The following GNB1L variants were observed in gnomAD, a reference collection of about 807,000 sequenced individuals.
The protein encoded by GNB1L is guanine nucleotide-binding protein subunit beta-like protein 1.
A neutral mutation model predicts 29.1 loss-of-function variants in GNB1L; 20 were observed. The ratio of observed to expected loss-of-function variants is 0.69; its 90% CI spans 0.48 to 1.00. GNB1L has a LOEUF of 1.00. Ranked by LOEUF, GNB1L falls within the 50% of genes least tolerant of loss-of-function variation. The pLI is 0.00. For synonymous variants in GNB1L, 193 were observed against 206.5 expected, an observed-to-expected ratio of 0.93 and a Z score of 0.56; for missense variants, 421 against 464.9, an observed-to-expected ratio of 0.91 and a Z score of 0.87.
Position 19,788,591 on chromosome 22 carries a change from G to T in GNB1L, c.*118C>A. 7.8e-7 allele frequency: 1 copy of T among 1,278,860 alleles called. No homozygotes were observed. Among genetic ancestry groups the T allele is most frequent in the Non-Finnish European group, 1.1e-6 (1 of 874,758 alleles). The allele number at this position is 1,278,860 out of a possible 1,614,324, so 79.2% of individuals were successfully genotyped here. A position where few individuals can be genotyped will look rare whatever the true frequency, so the allele number is the denominator to read the frequency against. On this transcript the variant is annotated 3_prime_UTR_variant, in exon 8 of 8. Transcript: ENST00000329517. ...CTCATGAAGACAGCGGGGACTCCAT[G>T]GTCCTTGGGCCATGACTTGCTGGTC...
intron 2 of GNB1L, chr22:19,846,932 G>A: frequency 8.1e-6 from 8 of 985,404 alleles, no homozygotes; most frequent in Non-Finnish European, 9.6e-6. Context: ...ATGTTGCCCT[G>A]GGATGGATGC....
intron 2 of GNB1L, among the ~76,000 whole-genome samples, chr22:19,825,207 C>A (rs1937610702): frequency 6.6e-6 from 1 of 152,234 alleles, no homozygotes; most frequent in Admixed American, 6.5e-5. Flanking sequence ...GCTCCAGCAT[C>A]CCCCGAGGAA....
chr22:19,844,997 G>A (rs57550365), intron 2 of GNB1L, among the ~76,000 whole-genome samples: 3,867 of 152,304 alleles, frequency 0.025, 151 homozygotes, highest in African/African-American at 0.088. Context: ...CCCTGGCCTC[G>A]GGGATGGGGA....
At chr22:19,851,031 C>G in intron 2 of GNB1L, 12 of 1,443,718 alleles carry the variant, frequency 8.3e-6, no homozygotes, top group African/African-American at 1.4e-5. Flanking sequence ...GAGTCCAAAA[C>G]AAGCGCATCT....
chr22:19,822,387 C>T (rs1280333182), intron 2 of GNB1L, among the ~76,000 whole-genome samples: 1 of 152,188 alleles, frequency 6.6e-6, no homozygotes, highest in Admixed American at 6.5e-5. Context: ...AGAGAGGCTT[C>T]CCGGGTCCGT....
At chr22:19,841,498 G>C (rs1039730907) in intron 2 of GNB1L, among the ~76,000 whole-genome samples, 10 of 152,108 alleles carry the variant, frequency 6.6e-5, no homozygotes, top group Admixed American at 1.3e-4. Flanking sequence ...GGCCAGTTAT[G>C]GTGGTGCCCG....
intron 2 of GNB1L, chr22:19,846,180 ACATGTG>A (rs1230187388): frequency 6.5e-6 from 1 of 153,508 alleles, no homozygotes; most frequent in Non-Finnish European, 1.4e-5. Flanking sequence ...TGCTCATATT[ACATGTG>A]CATCGCGGTC....
chr22:19,833,586 G>A (rs995997054), intron 2 of GNB1L, among the ~76,000 whole-genome samples: 27 of 152,140 alleles, frequency 1.8e-4, no homozygotes, highest in African/African-American at 6.0e-4. Flanking sequence ...AAAATAGGCC[G>A]GACGCGGTAG....
At chr22:19,853,903 C>CA (rs1938172304) in intron 2 of GNB1L, among the ~76,000 whole-genome samples, 3 of 152,192 alleles carry the variant, frequency 2.0e-5, no homozygotes, top group African/African-American at 7.2e-5. Context: ...CCAGGTTGCC[C>CA]ACAATGACCA....
intron 2 of GNB1L, among the ~76,000 whole-genome samples, chr22:19,834,834 G>A (rs1443596661): frequency 6.6e-6 from 1 of 151,960 alleles, no homozygotes; most frequent in African/African-American, 2.4e-5. Flanking sequence ...CAAAATAGTA[G>A]ACCTAAATAT....
In GNB1L at chr22:19,806,648, CG is replaced by C. The variant is rs1569042327; in HGVS notation, c.516+10del. 1 of 1,580,762 alleles carries C rather than the reference CG, an allele frequency of 6.3e-7. No individual in the cohort carries two copies. Among genetic ancestry groups the C allele is most frequent in the Non-Finnish European group, 8.7e-7 (1 of 1,152,868 alleles). ...GCCGGCAGGGCGTGGCTGGTGCACG[CG>C]GGGCCTTACCTGCCACAGCCGCAGG... On this transcript the variant is annotated intron_variant, in intron 6 of 7. Coordinates refer to ENST00000329517, the MANE Select transcript of GNB1L (RefSeq NM_053004.3).
chr22:19,838,687 C>A (rs1248197113), intron 2 of GNB1L, among the ~76,000 whole-genome samples: 1 of 152,104 alleles, frequency 6.6e-6, no homozygotes, highest in Non-Finnish European at 1.5e-5. Context: ...TCTTGATCTC[C>A]TGACCTCATG....
chr22:19,851,454 G>T lies in GNB1L; in HGVS notation c.-21+2989C>A, dbSNP rs1938095896. 1.9e-6 allele frequency: 3 copies of T among 1,614,096 alleles called. No homozygotes were observed. The East Asian group carries it at 6.7e-5, about 36-fold the overall frequency. ...CATGTAGAACTGGGCAGGACTGGGG[G>T]CTCCTTGGGCCCAGGGGTGCTCTCC... On this transcript the variant is annotated intron_variant, in intron 2 of 7. Transcript: ENST00000329517.
intron 2 of GNB1L, among the ~76,000 whole-genome samples, chr22:19,840,461 C>T (rs1937840238): frequency 6.6e-6 from 1 of 152,188 alleles, no homozygotes; most frequent in African/African-American, 2.4e-5. Flanking sequence ...GGTGATGACG[C>T]TCAGCATCAG....
intron 2 of GNB1L, chr22:19,848,615 A>C: frequency 1.0e-6 from 1 of 985,448 alleles, no homozygotes. Context: ...CAACCACAAT[A>C]AACAGGACGC....
At chr22:19,848,980 T>C in intron 2 of GNB1L, 2 of 985,488 alleles carry the variant, frequency 2.0e-6, no homozygotes, top group South Asian at 4.7e-5. Flanking sequence ...CAGGCCACAG[T>C]GCACTGGAGG....
intron 2 of GNB1L, among the ~76,000 whole-genome samples, chr22:19,843,493 C>T (rs1937897817): frequency 6.6e-6 from 1 of 152,342 alleles, no homozygotes; most frequent in East Asian, 1.9e-4. Context: ...CCAACCCCAG[C>T]AATTTCCCAC....
rs897983172 is a variant in GNB1L at position 19,788,094 on chromosome 22, C to T, written c.*615G>A. The T allele has an allele frequency of 1.8e-5, 3 of 164,246 alleles. No homozygotes were observed. Among genetic ancestry groups the T allele is most frequent in the Non-Finnish European group, 4.0e-5 (3 of 75,434 alleles). The allele number at this position is 164,246 out of a possible 1,614,324, so 10.2% of individuals were successfully genotyped here. On this transcript the variant is annotated 3_prime_UTR_variant, in exon 8 of 8. Transcript: ENST00000329517. Reference sequence around the variant, plus strand: ...CCTGGCCCTGTGCGCTGCAAGCCCCCCTTGCCGTCCCTCACAGGCACCTTT... The same window carrying T: ...CCTGGCCCTGTGCGCTGCAAGCCCCTCTTGCCGTCCCTCACAGGCACCTTT...
intron 5 of GNB1L, among the ~76,000 whole-genome samples, chr22:19,809,875 A>G (rs1937479348): frequency 6.6e-6 from 1 of 152,202 alleles, no homozygotes; most frequent in African/African-American, 2.4e-5. Flanking sequence ...CCTGAGCTCA[A>G]GTAACCCTCC....
Sources: gnomAD v4.1 joint callset for allele counts (sites outside exome capture counted in the v4.1 genomes callset) on GRCh38, gnomAD v4.1.1 for gene constraint, MANE v1.5 for transcripts, NCBI Gene and HGNC (gene_info 2026-07-23, HGNC 2026-07-21) for gene names.